LRRC37B: variants seen among roughly 807,000 people sequenced by gnomAD.
LRRC37B encodes the protein leucine rich repeat containing 37B.
A neutral mutation model predicts 98.3 loss-of-function variants in LRRC37B; 28 were observed. The ratio of observed to expected loss-of-function variants is 0.28; its 90% CI spans 0.21 to 0.39. The LOEUF (loss-of-function observed/expected upper bound fraction) is 0.39, where lower values mean the gene tolerates loss of function less well. Ranked by LOEUF, LRRC37B falls within the 10% of genes least tolerant of loss-of-function variation. LRRC37B has a pLI of 1.00. For missense variants in LRRC37B, 938 were observed against 1,182.7 expected (o/e 0.79, Z 3.03); for synonymous variants, 364 against 442.7 (o/e 0.82, Z 2.23).
intron 7 of LRRC37B, chr17:32,036,358 G>A (rs1459127402): frequency 6.6e-6 from 1 of 151,932 alleles, no homozygotes; most frequent in African/African-American, 2.4e-5. Flanking sequence ...CAGTACAGCT[G>A]GCCCTCCATA....
At chr17:32,032,850 A>G (rs905471842) in intron 5 of LRRC37B, among the ~76,000 whole-genome samples, 2 of 152,188 alleles carry the variant, frequency 1.3e-5, no homozygotes, top group Non-Finnish European at 1.5e-5. Flanking sequence ...TAAGCACTTT[A>G]TAACAGTGGG....
chr17:32,043,897 T>C (rs1911510946), intron 7 of LRRC37B, among the ~76,000 whole-genome samples: 2 of 151,408 alleles, frequency 1.3e-5, no homozygotes, highest in African/African-American at 4.9e-5. Flanking sequence ...ACTTCTATAA[T>C]GTAATATTTA....
At chr17:32,016,904 G>GTT (rs935747388), upstream of LRRC37B, 2 of 152,168 alleles carry the variant, frequency 1.3e-5, no homozygotes, top group South Asian at 4.2e-4. Context: ...GTTGTTTCTT[G>GTT]TTTTTTTCTT....
At chr17:32,044,995 A>G (rs1400500838) in intron 7 of LRRC37B, among the ~76,000 whole-genome samples, 2 of 152,094 alleles carry the variant, frequency 1.3e-5, no homozygotes, top group Non-Finnish European at 2.9e-5. Flanking sequence ...TTTTCACCCA[A>G]CTCCATCAGT....
At chr17:32,047,388 A>C (rs1911616750) in intron 8 of LRRC37B, 2 of 307,800 alleles carry the variant, frequency 6.5e-6, no homozygotes, top group Non-Finnish European at 1.3e-5. Context: ...TCTGCATATG[A>C]GGCAGGACAG....
chr17:32,052,580 A>C (rs948891271), intron 11 of LRRC37B: 1 of 152,240 alleles, frequency 6.6e-6, no homozygotes, highest in African/African-American at 2.4e-5. Flanking sequence ...TCAACTAGAT[A>C]AGGCTGAATA....
At chr17:32,053,243 A>C (rs1158693791) in intron 11 of LRRC37B, 23 bp from the exon 15 acceptor site, 4 of 1,572,322 alleles carry the variant, frequency 2.5e-6, no homozygotes, top group Admixed American at 1.8e-5. Context: ...AGATAACCTT[A>C]ATTGTGTTTT....
intron 8 of LRRC37B, among the ~76,000 whole-genome samples, chr17:32,046,928 AATGAAAGTGAAG>A (rs1279595330): frequency 6.6e-6 from 1 of 152,026 alleles, no homozygotes; most frequent in Non-Finnish European, 1.5e-5. Context: ...ATTAGAGATG[AATGAAAGTGAAG>A]TAGGCATCTG....
intron 7 of LRRC37B, chr17:32,041,230 A>C (rs1272129273): frequency 2.6e-6 from 2 of 771,014 alleles, no homozygotes; most frequent in Non-Finnish European, 4.8e-6. Flanking sequence ...GAGCCTGAGC[A>C]GTCCAATGGG....
At chr17:32,021,075 G>C in exon 1 of LRRC37B, 2 of 1,612,448 alleles carry the variant, frequency 1.2e-6, no homozygotes, top group Non-Finnish European at 8.5e-7. Flanking sequence ...CATGGCACAC[G>C]CTTATAAGGG....
chr17:32,025,557 CT>C (rs1190574758), intron 2 of LRRC37B, among the ~76,000 whole-genome samples: 1 of 151,930 alleles, frequency 6.6e-6, no homozygotes, highest in South Asian at 2.1e-4. Context: ...CATCTTGCAA[CT>C]TGATTCTTTC....
intron 5 of LRRC37B, among the ~76,000 whole-genome samples, chr17:32,034,639 GT>G (rs1310433859): frequency 1.3e-5 from 2 of 151,094 alleles, no homozygotes; most frequent in African/African-American, 4.9e-5. Flanking sequence ...GACCTGAAAA[GT>G]TCTGTGGCAT....
chr17:32,047,418 T>G, intron 8 of LRRC37B: 4 of 367,900 alleles, frequency 1.1e-5, no homozygotes, highest in Non-Finnish European at 1.6e-5. Context: ...TGGAGCAGTC[T>G]GCAGAGAGGC....
At chr17:32,021,100 G>A in exon 1 of LRRC37B, 2 of 1,614,004 alleles carry the variant, frequency 1.2e-6, no homozygotes, top group Non-Finnish European at 1.7e-6. Flanking sequence ...GAGCATCTCA[G>A]GGCTGCCAGA....
In LRRC37B at chr17:32,031,214, T is replaced by C. The variant is rs529994327; in HGVS notation, c.1977-164T>C. Among the ~76,000 whole-genome samples, 3 of 152,384 alleles carry C rather than the reference T, an allele frequency of 2.0e-5. No individual in the cohort carries two copies. In the East Asian group the frequency reaches 5.8e-4, roughly 29 times the overall value. On this transcript the variant is annotated intron_variant, in intron 4 of 11. Coordinates refer to ENST00000327564, the Ensembl canonical transcript of LRRC37B. The stretch of plus-strand genomic sequence containing the variant: ...TGTAGCTAATGCACCACATGTGCAA[T>C]GTTAAAGTATAAACCATAAGCCAGT...
intron 5 of LRRC37B, among the ~76,000 whole-genome samples, chr17:32,033,572 A>G (rs1488709947): frequency 6.6e-6 from 1 of 152,216 alleles, no homozygotes; most frequent in African/African-American, 2.4e-5. Flanking sequence ...TTTATAAAAT[A>G]GGGCAATAAT....
chr17:32,049,446 G>T, intron 10 of LRRC37B, 52 bp downstream of exon 13: 1 of 1,552,128 alleles, frequency 6.4e-7, no homozygotes, highest in Non-Finnish European at 8.7e-7. Context: ...TTTAGCGTAT[G>T]CCAGGAGAGT....
chr17:32,045,644 A>T, intron 7 of LRRC37B, 56 bp from the exon 11 acceptor site: 1 of 1,591,782 alleles, frequency 6.3e-7, no homozygotes. Flanking sequence ...TGCCTCCTTT[A>T]CCTACTCAAG....
At chr17:32,018,418 G>A (rs1005980377), upstream of LRRC37B, among the ~76,000 whole-genome samples, 3 of 152,216 alleles carry the variant, frequency 2.0e-5, no homozygotes, top group South Asian at 2.1e-4. Flanking sequence ...AGGATAATTT[G>A]TTTCATTCTC....
Sources: allele counts gnomAD v4.1 joint callset (sites outside exome capture counted in the v4.1 genomes callset), GRCh38; gene constraint gnomAD v4.1.1; transcripts MANE v1.5; gene names NCBI Gene and HGNC (gene_info 2026-07-23, HGNC 2026-07-21).